ADGB: variants seen among roughly 807,000 people sequenced by gnomAD.
ADGB encodes calpain-7-like protein.
A neutral mutation model predicts 210.5 loss-of-function variants in ADGB; 172 were observed. That is an observed-to-expected ratio of 0.82 (90% CI 0.72 to 0.93). The LOEUF (loss-of-function observed/expected upper bound fraction) is 0.93, where lower values mean the gene tolerates loss of function less well. Among genes scored for constraint, ADGB ranks in the 40% least tolerant of loss-of-function variants. The probability of loss-of-function intolerance (pLI) is 0.00; values close to 1 mark genes in which losing one functional copy is unlikely to be tolerated. For synonymous variants in ADGB, 658 were observed against 662.7 expected, an observed-to-expected ratio of 0.99 and a Z score of 0.11; for missense variants, 2,025 against 1,964.8, an observed-to-expected ratio of 1.03 and a Z score of -0.58.
At chr6:146,676,507 G>T (rs1314326609) in intron 9 of ADGB, 66 bp downstream of exon 9, 3 of 1,202,472 alleles carry the variant, frequency 2.5e-6, no homozygotes, top group Non-Finnish European at 3.2e-6. Flanking sequence ...GAAAACCTTG[G>T]AACATAGAAA....
chr6:146,728,413 T>C (rs1468566147), intron 19 of ADGB, among the ~76,000 whole-genome samples, 161 bp from the exon 20 acceptor site: 1 of 152,236 alleles, frequency 6.6e-6, no homozygotes, highest in Non-Finnish European at 1.5e-5. Flanking sequence ...TTGTTTTTTC[T>C]GAGACTACAG....
intron 7 of ADGB, among the ~76,000 whole-genome samples, chr6:146,668,638 T>G (rs76509849): frequency 2.4e-3 from 361 of 152,212 alleles, no homozygotes; most frequent in Middle Eastern, 6.8e-3. Context: ...TTAGTGTTGA[T>G]GGAATGCTTA....
intron 2 of ADGB, chr6:146,638,961 T>G (rs915211839): frequency 1.3e-5 from 2 of 151,974 alleles, no homozygotes; most frequent in African/African-American, 2.4e-5. Flanking sequence ...ATCCTTGCTG[T>G]TGTGCAAGCC....
In ADGB at chr6:146,692,805, T is replaced by G. The variant is rs1242677973; in HGVS notation, c.1487-20T>G. ...GATTTTTTTAAATGTACATCATACT[T>G]TCTAACTGCTACTTTTTAGAGTTAA... is the stretch of plus-strand genomic sequence containing the variant. On this transcript the variant is annotated intron_variant, in intron 11 of 35. Transcript: ENST00000397944. 3 of 1,376,770 alleles carry G rather than the reference T, an allele frequency of 2.2e-6. No homozygotes were observed. Among genetic ancestry groups the G allele is most frequent in the Non-Finnish European group, 2.0e-6 (2 of 1,006,762 alleles). The allele number at this position is 1,376,770 out of a possible 1,614,324, so 85.3% of individuals were successfully genotyped here. A position where few individuals can be genotyped will look rare whatever the true frequency, so the allele number is the denominator to read the frequency against.
intron 14 of ADGB, among the ~76,000 whole-genome samples, chr6:146,716,017 A>T (rs1776727451): frequency 2.0e-5 from 3 of 150,284 alleles, no homozygotes; most frequent in African/African-American, 7.4e-5. Context: ...GCAGTGAGCC[A>T]AGATCGTGCC....
chr6:146,800,032 A>T (rs1778103028), intron 33 of ADGB, among the ~76,000 whole-genome samples: 1 of 150,736 alleles, frequency 6.6e-6, no homozygotes, highest in Non-Finnish European at 1.5e-5. Flanking sequence ...CTGGTCTTGA[A>T]CTCCTGACCT....
At chr6:146,677,456 T>C (rs1776100670) in intron 9 of ADGB, among the ~76,000 whole-genome samples, 1 of 152,220 alleles carries the variant, frequency 6.6e-6, no homozygotes, top group African/African-American at 2.4e-5. Context: ...TGGCTTTTTA[T>C]TTTTACTGAA....
At chr6:146,623,429 C>T (rs981730889) in intron 1 of ADGB, among the ~76,000 whole-genome samples, 1 of 151,826 alleles carries the variant, frequency 6.6e-6, no homozygotes, top group Admixed American at 6.6e-5. Flanking sequence ...AATATGACAT[C>T]TATTCCCAAG....
chr6:146,715,454 A>C, intron 14 of ADGB, 39 bp downstream of exon 14: 1 of 1,407,722 alleles, frequency 7.1e-7, no homozygotes, highest in East Asian at 2.7e-5. Flanking sequence ...TTCAATGTAC[A>C]TCAAGATACA....
chr6:146,734,164 T>TAGA, intron 22 of ADGB, 134 bp downstream of exon 22: 1 of 954,644 alleles, frequency 1.0e-6, no homozygotes, highest in Non-Finnish European at 1.5e-6. Flanking sequence ...TGAAATTATT[T>TAGA]GAAATCAGGA....
chr6:146,600,603 C>T (rs1254127879), intron 1 of ADGB, among the ~76,000 whole-genome samples: 1 of 152,098 alleles, frequency 6.6e-6, no homozygotes, highest in Non-Finnish European at 1.5e-5. Flanking sequence ...ACTTCTCTGC[C>T]AAAATAAAAC....
chr6:146,707,261 A>C lies in ADGB; in HGVS notation c.1707+6191A>C, dbSNP rs149954773. ...ACTTGCTTTGTGGCCTAACATATGA[A>C]TATCCTGGAGAATGTTCCTTGTGAG... is the stretch of plus-strand genomic sequence containing the variant. On this transcript the variant is annotated intron_variant, in intron 13 of 35. Transcript: ENST00000397944. Among the ~76,000 whole-genome samples the C allele has an allele frequency of 1.1e-4, 16 of 152,272 alleles. No individual in the cohort carries two copies. The East Asian group carries it at 2.7e-3, about 26-fold the overall frequency.
Position 146,803,407 on chromosome 6 carries a change from C to A in ADGB, c.4818+1396C>A, listed in dbSNP as rs1778161380. The A allele has an allele frequency of 9.3e-6, 15 of 1,608,398 alleles. No homozygotes were observed. The Admixed American group carries it at 2.3e-4, about 25-fold the overall frequency. On this transcript the variant is annotated intron_variant, in intron 35 of 35. Coordinates refer to ENST00000397944, the MANE Select transcript of ADGB (RefSeq NM_024694.4). ...TGGCCTGCACAAGCCAGTTCATTTT[C>A]TTTATTTGCCATGTCACAGCCCCCA...
rs186501349 is a variant in ADGB at position 146,745,776 on chromosome 6, T to G, written c.3178-146T>G. ...TGCTTTCTAAGAGAAATTCCAAACA[T>G]AATCCTAGTGATTCTATGTTTATTA... On this transcript the variant is annotated intron_variant, in intron 25 of 35. Coordinates refer to ENST00000397944, the MANE Select transcript of ADGB (RefSeq NM_024694.4). The G allele has an allele frequency of 5.5e-4, 311 of 565,016 alleles. 2 individuals carry two copies. In the East Asian group the frequency reaches 9.5e-3, roughly 17 times the overall value. The allele number at this position is 565,016 out of a possible 1,614,324, so 35.0% of individuals were successfully genotyped here.
chr6:146,810,754 C>T (rs1314544466), intron 35 of ADGB, among the ~76,000 whole-genome samples: 4 of 152,020 alleles, frequency 2.6e-5, no homozygotes, highest in Admixed American at 2.6e-4. Context: ...GAAAGTTGAA[C>T]TCATAGAAGC....
At chr6:146,717,786 A>G (rs767606856) in intron 16 of ADGB, among the ~76,000 whole-genome samples, 187 bp downstream of exon 16, 2 of 152,178 alleles carry the variant, frequency 1.3e-5, no homozygotes, top group Non-Finnish European at 2.9e-5. Context: ...GCTCATAACC[A>G]CAAATGTGAT....
rs1012865465 is a variant in ADGB at position 146,718,295 on chromosome 6, C to A, written c.1992+696C>A. On this transcript the variant is annotated intron_variant, in intron 16 of 35. Coordinates refer to ENST00000397944, the MANE Select transcript of ADGB (RefSeq NM_024694.4). ...CTGGGAGGCAGAGGTTGCAGTGAGC[C>A]GAGATTGCGCCACTGCACTCCAGCC... 5.5e-5 allele frequency among the ~76,000 whole-genome samples: 8 copies of A among 144,188 alleles called. No homozygotes were observed. The East Asian group carries it at 1.7e-3, about 30-fold the overall frequency. 94.6% of individuals were successfully genotyped at this position (144,188 alleles called of 152,430 possible). A position where few individuals can be genotyped will look rare whatever the true frequency, so the allele number is the denominator to read the frequency against.
intron 1 of ADGB, among the ~76,000 whole-genome samples, chr6:146,607,457 T>A (rs1780648311): frequency 6.6e-6 from 1 of 152,180 alleles, no homozygotes; most frequent in African/African-American, 2.4e-5. Context: ...AGAGTAGGCA[T>A]CCTTTTCATG....
chr6:146,708,837 T>A (rs1438430702), intron 13 of ADGB, among the ~76,000 whole-genome samples: 2 of 152,194 alleles, frequency 1.3e-5, no homozygotes, highest in Non-Finnish European at 2.9e-5. Flanking sequence ...TGAACTCCTA[T>A]CACTCAAATA....
Sources: gnomAD v4.1 joint callset for allele counts (sites outside exome capture counted in the v4.1 genomes callset) on GRCh38, gnomAD v4.1.1 for gene constraint, MANE v1.5 for transcripts, NCBI Gene and HGNC (gene_info 2026-07-23, HGNC 2026-07-21) for gene names.